C3orf20: variants seen among roughly 807,000 people sequenced by gnomAD.
C3orf20 encodes family with sequence similarity 149 member C.
Under a neutral mutation model 88.3 loss-of-function variants are expected in C3orf20, and 76 were observed. The observed-to-expected ratio is 0.86, with a 90% CI of 0.72 to 1.04. C3orf20 has a LOEUF of 1.04. C3orf20 is among the 50% of genes least tolerant of loss of function. C3orf20 has a pLI of 0.00. For synonymous variants in C3orf20, 436 were observed against 437.4 expected (o/e 1.00, Z 0.04); for missense variants, 1,056 against 1,123.3 (o/e 0.94, Z 0.86).
At chr3:14,715,761 A>G (rs2033916006) in intron 9 of C3orf20, among the ~76,000 whole-genome samples, 1 of 152,188 alleles carries the variant, frequency 6.6e-6, no homozygotes, top group African/African-American at 2.4e-5. Context: ...TTTAATGCCT[A>G]TGTGTGGCAA....
intron 9 of C3orf20, among the ~76,000 whole-genome samples, chr3:14,718,316 TCTA>T (rs141497190): frequency 0.2 from 30,645 of 151,938 alleles, 3,192 homozygotes; most frequent in Non-Finnish European, 0.22. Context: ...TCATCTCCAT[TCTA>T]CTATTATGAT....
chr3:14,731,365 C>T (rs1027998519), intron 12 of C3orf20, among the ~76,000 whole-genome samples: 1 of 152,156 alleles, frequency 6.6e-6, no homozygotes, highest in African/African-American at 2.4e-5. Context: ...AGGGGGCCCC[C>T]ACATCACCCC....
chr3:14,752,926 G>A (rs1254766890), intron 12 of C3orf20, among the ~76,000 whole-genome samples: 1 of 152,204 alleles, frequency 6.6e-6, no homozygotes, highest in African/African-American at 2.4e-5. Flanking sequence ...GGAAGACAGT[G>A]TGGCAATTCC....
chr3:14,732,024 G>A (rs1265807955), intron 12 of C3orf20, among the ~76,000 whole-genome samples: 1 of 152,198 alleles, frequency 6.6e-6, no homozygotes, highest in Non-Finnish European at 1.5e-5. Flanking sequence ...GAGCTAGATT[G>A]CCTGGTTTAT....
At chr3:14,747,622 G>C (rs2035093609) in intron 12 of C3orf20, among the ~76,000 whole-genome samples, 1 of 152,088 alleles carries the variant, frequency 6.6e-6, no homozygotes, top group African/African-American at 2.4e-5. Context: ...TTTTTCTTTG[G>C]AAACATGATT....
intron 8 of C3orf20, among the ~76,000 whole-genome samples, chr3:14,715,042 A>G (rs532795585): frequency 2.2e-4 from 33 of 152,230 alleles, no homozygotes; most frequent in Middle Eastern, 3.4e-3. Flanking sequence ...CACAAATCCC[A>G]TTTCTTCCCC....
intron 14 of C3orf20, 44 bp downstream of exon 14, chr3:14,760,042 C>A: frequency 7.1e-7 from 1 of 1,405,548 alleles, no homozygotes; most frequent in Non-Finnish European, 1.0e-6. Context: ...CCACCCCAGC[C>A]GCAGCCACCT....
intron 1 of C3orf20, among the ~76,000 whole-genome samples, chr3:14,681,784 T>A: frequency 6.6e-6 from 1 of 152,224 alleles, no homozygotes; most frequent in East Asian, 1.9e-4. Flanking sequence ...ACTCTGCCAG[T>A]GTATTTACAG....
intron 15 of C3orf20, among the ~76,000 whole-genome samples, chr3:14,769,098 C>G (rs2125047000): frequency 6.6e-6 from 1 of 152,168 alleles, no homozygotes; most frequent in South Asian, 2.1e-4. Flanking sequence ...CAGGAGGTGC[C>G]AAGGCGCTGA....
intron 12 of C3orf20, among the ~76,000 whole-genome samples, chr3:14,731,542 C>G (rs1278620454): frequency 6.6e-6 from 1 of 152,144 alleles, no homozygotes; most frequent in Non-Finnish European, 1.5e-5. Context: ...GAGGACACAC[C>G]TAGCATGCTC....
At chr3:14,710,798 ATGTG>A (rs927798408) in intron 7 of C3orf20, among the ~76,000 whole-genome samples, 20 of 152,128 alleles carry the variant, frequency 1.3e-4, no homozygotes, top group African/African-American at 4.6e-4. Context: ...TGTGAGAAGA[ATGTG>A]TGTTCTGCTG....
At chr3:14,730,753 T>C (rs1315140368) in intron 12 of C3orf20, among the ~76,000 whole-genome samples, 2 of 152,218 alleles carry the variant, frequency 1.3e-5, no homozygotes, top group Non-Finnish European at 2.9e-5. Context: ...TTTTACGTTC[T>C]GCTCCCACCA....
chr3:14,714,277 T>C, intron 8 of C3orf20, 118 bp downstream of exon 8: 1 of 1,156,314 alleles, frequency 8.6e-7, no homozygotes, highest in Non-Finnish European at 1.2e-6. Context: ...TGTCCAGAGA[T>C]CTAGTAAGGC....
At chr3:14,690,182 G>T in intron 5 of C3orf20, 66 bp downstream of exon 5, 1 of 1,605,462 alleles carries the variant, frequency 6.2e-7, no homozygotes. Flanking sequence ...ATAGGTTTCC[G>T]TCTACCCTGT....
intron 5 of C3orf20, among the ~76,000 whole-genome samples, chr3:14,695,067 A>C (rs897149907): frequency 6.6e-6 from 1 of 152,220 alleles, no homozygotes; most frequent in Non-Finnish European, 1.5e-5. Context: ...CTGGGATTAC[A>C]GGAGTAAGCC....
At chr3:14,699,711 C>G (rs1376923946) in intron 5 of C3orf20, among the ~76,000 whole-genome samples, 1 of 152,194 alleles carries the variant, frequency 6.6e-6, no homozygotes, top group Non-Finnish European at 1.5e-5. Flanking sequence ...AGCTGTGCCA[C>G]TTGAGATTGG....
intron 15 of C3orf20, among the ~76,000 whole-genome samples, chr3:14,763,550 A>G (rs897076948): frequency 2.0e-5 from 3 of 152,214 alleles, no homozygotes; most frequent in Admixed American, 6.5e-5. Flanking sequence ...TTGGGGGGAC[A>G]TAGACGTTCA....
chr3:14,759,240 G>A (rs2035483881), intron 13 of C3orf20, among the ~76,000 whole-genome samples: 1 of 152,172 alleles, frequency 6.6e-6, no homozygotes, highest in East Asian at 1.9e-4. Context: ...GTGGTTCTGA[G>A]TTTCATATTG....
chr3:14,761,306 A>T (rs964989886), intron 14 of C3orf20, among the ~76,000 whole-genome samples, 167 bp from the exon 15 acceptor site: 8 of 150,962 alleles, frequency 5.3e-5, no homozygotes, highest in Non-Finnish European at 5.9e-5. Flanking sequence ...TGGGCAACTC[A>T]GGGAGGGCAG....
Sources: gnomAD v4.1 joint callset for allele counts (sites outside exome capture counted in the v4.1 genomes callset) on GRCh38, gnomAD v4.1.1 for gene constraint, MANE v1.5 for transcripts, NCBI Gene and HGNC (gene_info 2026-07-23, HGNC 2026-07-21) for gene names.